The following UBE2R2 variants were observed in gnomAD, a reference collection of about 807,000 sequenced individuals.
UBE2R2 encodes the protein ubiquitin conjugating enzyme E2 R2.
In UBE2R2, 1 loss-of-function variant was observed where a neutral mutation model predicts 27.8. The observed-to-expected ratio is 0.04, with a 90% confidence interval of 0.01 to 0.17. The LOEUF is 0.17. Among genes scored for constraint, UBE2R2 ranks in the 10% least tolerant of loss-of-function variants. The probability of loss-of-function intolerance (pLI) is 1.00; values close to 1 mark genes in which losing one functional copy is unlikely to be tolerated. For synonymous variants in UBE2R2, 106 were observed against 113.3 expected (o/e 0.94, Z 0.41); for missense variants, 100 against 291.0 (o/e 0.34, Z 4.78).
intron 1 of UBE2R2, among the ~76,000 whole-genome samples, chr9:33,842,372 G>T (rs1488919671): frequency 6.6e-6 from 1 of 152,158 alleles, no homozygotes; most frequent in African/African-American, 2.4e-5. Context: ...ACTCCAGCCT[G>T]GGGTGACAGA....
chr9:33,824,272 A>G (rs1046378525), intron 1 of UBE2R2, among the ~76,000 whole-genome samples: 2 of 151,942 alleles, frequency 1.3e-5, no homozygotes, highest in African/African-American at 4.8e-5. Flanking sequence ...CGGGTGGATC[A>G]CCTGATGTCA....
intron 2 of UBE2R2, among the ~76,000 whole-genome samples, chr9:33,895,440 A>T (rs1822079139): frequency 6.6e-6 from 1 of 152,202 alleles, no homozygotes; most frequent in African/African-American, 2.4e-5. Context: ...CCAGTACTGA[A>T]CAACATGGTT....
intron 2 of UBE2R2, among the ~76,000 whole-genome samples, chr9:33,887,473 A>T (rs1255646684): frequency 1.3e-5 from 2 of 152,152 alleles, no homozygotes; most frequent in African/African-American, 4.8e-5. Flanking sequence ...CTTGTACTAG[A>T]CAAGTGCACA....
At chr9:33,857,367 G>A (rs12000184) in intron 1 of UBE2R2, among the ~76,000 whole-genome samples, 34,674 of 151,868 alleles carry the variant, frequency 0.23, 4,178 homozygotes, top group African/African-American at 0.28. Flanking sequence ...TGCCCAGGCT[G>A]GAGTGCGGTG....
In UBE2R2 at chr9:33,817,688, C is replaced by T. The variant is rs1054109533; in HGVS notation, c.-70C>T. ...CGGAGGGCGAGCGGAGGGGAGGGGC[C>T]TGGTCCGGCCCGGCCGGTGCGTGAG... On this transcript the variant is annotated 5_prime_UTR_variant, in exon 1 of 5. Coordinates refer to ENST00000263228, the MANE Select transcript of UBE2R2 (RefSeq NM_017811.4). The T allele has an allele frequency of 7.8e-7, 1 of 1,276,456 alleles. No homozygotes were observed. Among genetic ancestry groups the T allele is most frequent in the African/African-American group, 1.6e-5 (1 of 62,492 alleles). 79.1% of individuals were successfully genotyped at this position (1,276,456 alleles called of 1,614,324 possible).
In UBE2R2 at chr9:33,845,116, C is replaced by T. The variant is rs1820814938; in HGVS notation, c.177+27182C>T. 2.0e-5 allele frequency among the ~76,000 whole-genome samples: 3 copies of T among 152,110 alleles called. No homozygotes were observed. In the South Asian group the frequency reaches 6.2e-4, roughly 32 times the overall value. On this transcript the variant is annotated intron_variant, in intron 1 of 4. Coordinates refer to ENST00000263228, the MANE Select transcript of UBE2R2 (RefSeq NM_017811.4). Reference sequence around the variant, plus strand: ...AACTGTTGATGTTGCTTACAGTATCCTCAGCTTGCTGAGCAACTGTTCTCA... The same window carrying T: ...AACTGTTGATGTTGCTTACAGTATCTTCAGCTTGCTGAGCAACTGTTCTCA...
At chr9:33,879,379 A>G (rs952429202) in intron 1 of UBE2R2, among the ~76,000 whole-genome samples, 4 of 152,186 alleles carry the variant, frequency 2.6e-5, no homozygotes, top group African/African-American at 9.6e-5. Flanking sequence ...CTTTTATTAT[A>G]TTGGTGCATA....
At chr9:33,903,528 A>G (rs987002269) in intron 3 of UBE2R2, among the ~76,000 whole-genome samples, 3 of 152,160 alleles carry the variant, frequency 2.0e-5, no homozygotes, top group African/African-American at 7.2e-5. Flanking sequence ...GCCACCACCC[A>G]TGGGAATTCA....
chr9:33,819,362 A>T (rs1000349168), intron 1 of UBE2R2, among the ~76,000 whole-genome samples: 9 of 152,302 alleles, frequency 5.9e-5, no homozygotes, highest in African/African-American at 2.2e-4. Context: ...AATATTCACT[A>T]CTGTATATAG....
At chr9:33,904,226 A>C (rs1822304385) in intron 3 of UBE2R2, among the ~76,000 whole-genome samples, 1 of 152,238 alleles carries the variant, frequency 6.6e-6, no homozygotes, top group Non-Finnish European at 1.5e-5. Flanking sequence ...CATTTATGGC[A>C]CTGAAATATT....
At chr9:33,872,152 G>A (rs186604326) in intron 1 of UBE2R2, among the ~76,000 whole-genome samples, 1 of 151,834 alleles carries the variant, frequency 6.6e-6, no homozygotes, top group Admixed American at 6.6e-5. Context: ...GAGGCACCAT[G>A]GGAGACTGAG....
At chr9:33,906,108 T>C (rs942658309) in intron 3 of UBE2R2, among the ~76,000 whole-genome samples, 28 of 140,008 alleles carry the variant, frequency 2.0e-4, no homozygotes, top group East Asian at 4.9e-4. Flanking sequence ...TCGTCGTCGT[T>C]GTTGCTGTTG....
At chr9:33,837,983 G>A (rs1412710385) in intron 1 of UBE2R2, among the ~76,000 whole-genome samples, 1 of 152,054 alleles carries the variant, frequency 6.6e-6, no homozygotes, top group Non-Finnish European at 1.5e-5. Flanking sequence ...TTTTATGTAT[G>A]TGTAATTATA....
intron 3 of UBE2R2, 124 bp downstream of exon 3, chr9:33,900,395 G>A (rs528852362): frequency 1.1e-4 from 70 of 629,156 alleles, no homozygotes; most frequent in Admixed American, 5.0e-4. Flanking sequence ...CAGTTTCTTT[G>A]TCTTTAGCTA....
intron 2 of UBE2R2, among the ~76,000 whole-genome samples, chr9:33,890,944 T>C (rs1430651328): frequency 6.6e-6 from 1 of 152,152 alleles, no homozygotes; most frequent in Admixed American, 6.5e-5. Context: ...AGTATCAGAA[T>C]TGAAATTTTT....
intron 1 of UBE2R2, among the ~76,000 whole-genome samples, chr9:33,845,998 T>TGGC (rs1292699968): frequency 6.6e-6 from 1 of 151,764 alleles, no homozygotes; most frequent in Non-Finnish European, 1.5e-5. Flanking sequence ...AGGTGGCGGG[T>TGGC]ACCTGTAGTT....
chr9:33,859,799 T>TGTGTGTGTGA (rs766779268), intron 1 of UBE2R2, among the ~76,000 whole-genome samples: 1,414 of 86,444 alleles, frequency 0.016, 13 homozygotes, highest in East Asian at 0.045. Flanking sequence ...TGTGTGTGTG[T>TGTGTGTGTGA]GAGAGAGAGA....
chr9:33,916,925 A>G, intron 4 of UBE2R2, 93 bp from the exon 5 acceptor site: 1 of 1,512,408 alleles, frequency 6.6e-7, no homozygotes. Flanking sequence ...TGGAGAGCTG[A>G]GTCATAAGTA....
At chr9:33,901,638 T>C (rs1822247206) in intron 3 of UBE2R2, among the ~76,000 whole-genome samples, 1 of 152,212 alleles carries the variant, frequency 6.6e-6, no homozygotes, top group Non-Finnish European at 1.5e-5. Flanking sequence ...TTATCAAAAG[T>C]GAAGAATTGG....
Sources: allele counts gnomAD v4.1 joint callset (sites outside exome capture counted in the v4.1 genomes callset), GRCh38; gene constraint gnomAD v4.1.1; transcripts MANE v1.5; gene names NCBI Gene and HGNC (gene_info 2026-07-23, HGNC 2026-07-21).